PPP6R2: variants seen among roughly 807,000 people sequenced by gnomAD.
The protein encoded by PPP6R2 is serine/threonine-protein phosphatase 6 regulatory subunit 2.
In PPP6R2, 62 loss-of-function variants were observed where a neutral mutation model predicts 100.2. The ratio of observed to expected loss-of-function variants is 0.62; its 90% CI spans 0.50 to 0.76. The LOEUF is 0.76. PPP6R2 is among the 30% of genes least tolerant of loss of function. PPP6R2 has a pLI of 0.00. For missense variants in PPP6R2, 1,142 were observed against 1,276.3 expected, an observed-to-expected ratio of 0.89 and a Z score of 1.60; for synonymous variants, 525 against 514.7, an observed-to-expected ratio of 1.02 and a Z score of -0.27.
intron 5 of PPP6R2, among the ~76,000 whole-genome samples, chr22:50,415,279 G>C (rs1224005763): frequency 6.6e-6 from 1 of 152,226 alleles, no homozygotes; most frequent in Non-Finnish European, 1.5e-5. Flanking sequence ...ATAGAGTAGA[G>C]TAAACCCTGA....
chr22:50,419,516 T>C lies in PPP6R2; in HGVS notation c.845+54T>C, dbSNP rs1327435474. ...AGCTGAACTTGACGCCTCAGTGATA[T>C]GGCAGCCCACACGAGCAGTCTGGAT... On this transcript the variant is annotated intron_variant, in intron 8 of 23. Transcript: ENST00000612753. The C allele has an allele frequency of 2.4e-5, 31 of 1,266,888 alleles. No homozygotes were observed. In the Admixed American group the frequency reaches 4.1e-4, roughly 17 times the overall value. 78.5% of individuals were successfully genotyped at this position (1,266,888 alleles called of 1,614,324 possible).
At chr22:50,351,599 C>T (rs148720032) in intron 1 of PPP6R2, among the ~76,000 whole-genome samples, 1 of 151,998 alleles carries the variant, frequency 6.6e-6, no homozygotes, top group African/African-American at 2.4e-5. Flanking sequence ...GATCTAGCGA[C>T]AACTTCTATA....
intron 22 of PPP6R2, among the ~76,000 whole-genome samples, chr22:50,442,504 G>A (rs1181912038): frequency 1.3e-5 from 2 of 152,028 alleles, no homozygotes; most frequent in African/African-American, 4.8e-5. Flanking sequence ...AAGTCATACA[G>A]AGTTCCTGTG....
Position 50,366,549 on chromosome 22 carries a change from C to T in PPP6R2, c.-147-5471C>T, listed in dbSNP as rs996218061. 5.9e-5 allele frequency among the ~76,000 whole-genome samples: 9 copies of T among 152,154 alleles called. No individual in the cohort carries two copies. In the East Asian group the frequency reaches 7.7e-4, roughly 13 times the overall value. ...GAACTCCTGACCTCAGGTGATCCAC[C>T]GGCCTCGGCCTCCCAAAGTGCTGGG... On this transcript the variant is annotated intron_variant, in intron 1 of 23. Coordinates refer to ENST00000612753, the MANE Select transcript of PPP6R2 (RefSeq NM_001242898.2).
At chr22:50,356,389 C>G (rs2046589267) in intron 1 of PPP6R2, among the ~76,000 whole-genome samples, 1 of 149,894 alleles carries the variant, frequency 6.7e-6, no homozygotes, top group African/African-American at 2.5e-5. Context: ...GAAGTCTCAA[C>G]CTTCCCAGGC....
At chr22:50,415,987 T>A (rs1338353136) in intron 5 of PPP6R2, 105 bp from the exon 6 acceptor site, 18 of 1,005,044 alleles carry the variant, frequency 1.8e-5, no homozygotes, top group Non-Finnish European at 2.7e-5. Flanking sequence ...AGGCAAAGAG[T>A]CTATATTCTA....
intron 1 of PPP6R2, among the ~76,000 whole-genome samples, chr22:50,350,844 CAAA>C (rs532536985): frequency 4.0e-5 from 5 of 125,714 alleles, no homozygotes; most frequent in African/African-American, 5.7e-5. Context: ...GACTCCGTCT[CAAA>C]AAAAAAAAAA....
chr22:50,338,841 T>C, upstream of PPP6R2, among the ~76,000 whole-genome samples: 1 of 142,510 alleles, frequency 7.0e-6, no homozygotes, highest in African/African-American at 2.7e-5. Context: ...GTGGTGTGTG[T>C]GTGGTGTGTG....
At chr22:50,334,388 T>A in the PPP6R2 span, among the ~76,000 whole-genome samples, 1 of 152,372 alleles carries the variant, frequency 6.6e-6, no homozygotes, top group Admixed American at 6.5e-5. Flanking sequence ...TATCTCTGTA[T>A]GGCCTGGTTT....
chr22:50,412,349 G>C (rs1056651719), intron 4 of PPP6R2, among the ~76,000 whole-genome samples: 6 of 151,224 alleles, frequency 4.0e-5, no homozygotes, highest in African/African-American at 1.5e-4. Context: ...CCACCACCAC[G>C]TCTTGCTAAT....
At chr22:50,371,748 C>T (rs1277772693) in intron 1 of PPP6R2, among the ~76,000 whole-genome samples, 2 of 152,036 alleles carry the variant, frequency 1.3e-5, no homozygotes, top group Admixed American at 6.6e-5. Context: ...CCAGTGATCC[C>T]GCCTCAGCCT....
intron 19 of PPP6R2, 42 bp from the exon 20 acceptor site, chr22:50,439,659 C>T (rs1253620393): frequency 8.0e-6 from 12 of 1,499,816 alleles, no homozygotes; most frequent in Non-Finnish European, 1.1e-5. Context: ...TGCAGCACCC[C>T]AGGCCTGCCC....
intron 2 of PPP6R2, among the ~76,000 whole-genome samples, chr22:50,392,324 A>G (rs940208637): frequency 3.4e-5 from 5 of 147,834 alleles, no homozygotes; most frequent in African/African-American, 1.3e-4. Flanking sequence ...CAACATAGTG[A>G]ATCCCTGTCT....
At chr22:50,416,453 G>A (rs888111177) in intron 6 of PPP6R2, among the ~76,000 whole-genome samples, 13 of 151,346 alleles carry the variant, frequency 8.6e-5, no homozygotes, top group Non-Finnish European at 1.6e-4. Context: ...TCACCCAGTC[G>A]GGTGAGCCAC....
At chr22:50,353,818 T>C (rs1197723013) in intron 1 of PPP6R2, among the ~76,000 whole-genome samples, 5 of 81,580 alleles carry the variant, frequency 6.1e-5, no homozygotes, top group African/African-American at 1.4e-4. Context: ...AGCCTCTCCC[T>C]TTTTTTTTTT....
chr22:50,423,755 C>A lies in PPP6R2; in HGVS notation c.1125+141C>A. The A allele has an allele frequency of 9.2e-7, 1 of 1,084,420 alleles. No homozygotes were observed. Among genetic ancestry groups the A allele is most frequent in the South Asian group, 1.5e-5 (1 of 65,822 alleles). 67.2% of individuals were successfully genotyped at this position (1,084,420 alleles called of 1,614,324 possible). ...GAGGTTCCAGTCCCAAGTCCCAAGG[C>A]TGGACTACAGGTCTCTGGCGGGGCA... On this transcript the variant is annotated intron_variant, in intron 10 of 23. Transcript: ENST00000612753. This position sits in a 1 kb window ranked among gnomAD's most constrained non-coding sequence, Gnocchi z 4.8.
chr22:50,367,779 C>T (rs1001327394), intron 1 of PPP6R2, among the ~76,000 whole-genome samples: 22 of 151,880 alleles, frequency 1.4e-4, no homozygotes, highest in Admixed American at 2.0e-4. Flanking sequence ...TCTTTGTGTG[C>T]GGAGACGAGA....
intron 2 of PPP6R2, among the ~76,000 whole-genome samples, chr22:50,380,274 T>A (rs1253968113): frequency 6.6e-6 from 1 of 151,658 alleles, no homozygotes; most frequent in African/African-American, 2.4e-5. Flanking sequence ...GGTTTTACCG[T>A]GTTAGCCAGG....
chr22:50,349,923 G>A (rs957868221), intron 1 of PPP6R2, among the ~76,000 whole-genome samples: 7 of 151,410 alleles, frequency 4.6e-5, no homozygotes, highest in Non-Finnish European at 8.8e-5. Flanking sequence ...TTCGAGACCA[G>A]CCTGAACAAC....
Sources: gnomAD v4.1 joint callset for allele counts (sites outside exome capture counted in the v4.1 genomes callset) on GRCh38, gnomAD v4.1.1 for gene constraint, Gnocchi (gnomAD v3.1) non-coding constraint, MANE v1.5 for transcripts, NCBI Gene and HGNC (gene_info 2026-07-23, HGNC 2026-07-21) for gene names.